The following CEP63 variants were observed in gnomAD, a reference collection of about 807,000 sequenced individuals.
The protein encoded by CEP63 is centrosomal protein of 63 kDa.
In CEP63, 84 loss-of-function variants were observed where a neutral mutation model predicts 89.1. The ratio of observed to expected loss-of-function variants is 0.94; its 90% CI spans 0.79 to 1.13. The LOEUF is 1.13. Among genes scored for constraint, CEP63 ranks in the 50% most tolerant of loss-of-function variants. The probability of loss-of-function intolerance (pLI) is 0.00; values close to 1 mark genes in which losing one functional copy is unlikely to be tolerated. For missense variants in CEP63, 838 were observed against 813.3 expected (o/e 1.03, Z -0.37); for synonymous variants, 267 against 272.5 (o/e 0.98, Z 0.20).
the CEP63 span, among the ~76,000 whole-genome samples, chr3:134,599,288 C>T: frequency 1.3e-5 from 2 of 152,140 alleles, no homozygotes; most frequent in African/African-American, 2.4e-5. Context: ...AATATGCTGC[C>T]GGGTCTCCTT....
the CEP63 span, among the ~76,000 whole-genome samples, chr3:134,651,989 G>A: frequency 6.6e-6 from 1 of 152,144 alleles, no homozygotes; most frequent in East Asian, 1.9e-4. Context: ...GGAGGCCTTT[G>A]CTCTGGGAGC....
the CEP63 span, among the ~76,000 whole-genome samples, chr3:134,756,349 G>A: frequency 1.3e-5 from 2 of 152,122 alleles, no homozygotes; most frequent in Admixed American, 1.3e-4. Context: ...GTTATGAAGG[G>A]TATCCTTTTT....
the CEP63 span, among the ~76,000 whole-genome samples, chr3:134,769,080 C>T: frequency 6.6e-6 from 1 of 152,100 alleles, no homozygotes; most frequent in Non-Finnish European, 1.5e-5. Context: ...AAAGTAGAAG[C>T]GCTTTGGGTG....
downstream of CEP63, among the ~76,000 whole-genome samples, chr3:134,568,623 T>G (rs548312527): frequency 1.4e-4 from 22 of 152,328 alleles, no homozygotes; most frequent in South Asian, 3.9e-3. Flanking sequence ...TGGTGATATG[T>G]TCAACCTGCT....
At chr3:134,507,041 A>G (rs1407466999) in intron 2 of CEP63, 68 bp from the exon 3 acceptor site, 6 of 1,183,126 alleles carry the variant, frequency 5.1e-6, no homozygotes, top group Non-Finnish European at 6.3e-6. Context: ...CTATATTTTT[A>G]CATGAAAAAG....
chr3:134,703,634 A>C, the CEP63 span, among the ~76,000 whole-genome samples: 4 of 151,982 alleles, frequency 2.6e-5, no homozygotes, highest in African/African-American at 9.7e-5. Flanking sequence ...TTAAAAGATC[A>C]GGGGTGGGAG....
intron 1 of CEP63, among the ~76,000 whole-genome samples, chr3:134,490,458 A>G (rs1320314692): frequency 6.6e-6 from 1 of 152,004 alleles, no homozygotes; most frequent in Non-Finnish European, 1.5e-5. Flanking sequence ...TCCTTATTTT[A>G]TATGTCTCTA....
intron 11 of CEP63, among the ~76,000 whole-genome samples, chr3:134,573,501 A>C (rs899517395): frequency 6.6e-6 from 1 of 152,312 alleles, no homozygotes; most frequent in East Asian, 1.9e-4. Context: ...CGTTTGTTGA[A>C]TAGGAAGTCC....
intron 12 of CEP63, among the ~76,000 whole-genome samples, chr3:134,556,488 A>G (rs1335462987): frequency 6.6e-6 from 1 of 152,076 alleles, no homozygotes; most frequent in African/African-American, 2.4e-5. Context: ...GAGGGAGGGA[A>G]CTTGATATCC....
chr3:134,565,372 T>C (rs767082951), downstream of CEP63, among the ~76,000 whole-genome samples: 1 of 152,198 alleles, frequency 6.6e-6, no homozygotes, highest in Non-Finnish European at 1.5e-5. Flanking sequence ...TTCTCTCTCT[T>C]ACATACACAT....
At chr3:134,712,376 C>T in the CEP63 span, among the ~76,000 whole-genome samples, 1 of 121,432 alleles carries the variant, frequency 8.2e-6, no homozygotes, top group African/African-American at 2.5e-5. Flanking sequence ...TCTTAGGGGA[C>T]CCCCTTAGTT....
chr3:134,585,066 T>A (rs1178868661), intron 10 of CEP63, among the ~76,000 whole-genome samples: 1 of 151,714 alleles, frequency 6.6e-6, no homozygotes, highest in Non-Finnish European at 1.5e-5. Context: ...ATTGCGTCTA[T>A]TTGATTCCTC....
chr3:134,646,140 A>G, the CEP63 span, among the ~76,000 whole-genome samples: 1 of 152,192 alleles, frequency 6.6e-6, no homozygotes, highest in East Asian at 1.9e-4. Flanking sequence ...TTCTGTGGCT[A>G]ACAGGTCTCT....
chr3:134,648,997 C>T, the CEP63 span, among the ~76,000 whole-genome samples: 32 of 152,294 alleles, frequency 2.1e-4, no homozygotes, highest in East Asian at 6.2e-3. Flanking sequence ...ATTTTCCTCC[C>T]TTAGGCTGTT....
At position 134,551,945 on chromosome 3, in the gene CEP63, A is replaced by C; in HGVS notation, c.1400A>C (p.Glu467Ala). The C allele has an allele frequency of 6.2e-7, 1 of 1,608,864 alleles. No homozygotes were observed. Among genetic ancestry groups the C allele is most frequent in the Non-Finnish European group, 8.5e-7 (1 of 1,176,592 alleles). ...VEHKEILDQL[E>A]SLKLENRHLS... is the part of the protein sequence containing the mutation. ...TTTCAGGAGATTTTGGATCAGCTGGAGTCACTCAAATTAGAAAATCGTCAT... is the reference window on the plus strand; with the variant it reads ...TTTCAGGAGATTTTGGATCAGCTGGCGTCACTCAAATTAGAAAATCGTCAT... Residue 467 changes from glutamate to alanine, a missense_variant, in exon 12 of 15, where the codon GAG becomes GCG. Glu to Ala is a moderately radical substitution (Grantham distance 107). Coordinates refer to ENST00000675561, the MANE Select transcript of CEP63 (RefSeq NM_001353108.3).
At chr3:134,660,671 C>T in the CEP63 span, among the ~76,000 whole-genome samples, 1 of 152,142 alleles carries the variant, frequency 6.6e-6, no homozygotes, top group South Asian at 2.1e-4. Context: ...TCAAGGAGCT[C>T]TCGATTTAGT....
At chr3:134,628,816 C>T in the CEP63 span, among the ~76,000 whole-genome samples, 4 of 152,314 alleles carry the variant, frequency 2.6e-5, no homozygotes, top group Middle Eastern at 3.4e-3. Context: ...CAAGGTCACA[C>T]AGCTGAAACA....
At chr3:134,698,184 C>A in the CEP63 span, among the ~76,000 whole-genome samples, 2 of 152,220 alleles carry the variant, frequency 1.3e-5, no homozygotes, top group African/African-American at 4.8e-5. Flanking sequence ...GTTTTCAAAC[C>A]AGCAAGTTGT....
upstream of CEP63, chr3:134,485,935 G>C: frequency 1.0e-6 from 1 of 970,422 alleles, no homozygotes; most frequent in Non-Finnish European, 1.2e-6. Flanking sequence ...TAGGCCGGGG[G>C]CGCTGGAAAC....
Sources: gnomAD v4.1 joint callset for allele counts (sites outside exome capture counted in the v4.1 genomes callset) on GRCh38, gnomAD v4.1.1 for gene constraint, MANE v1.5 for transcripts, NCBI Gene and HGNC (gene_info 2026-07-23, HGNC 2026-07-21) for gene names.